The following DLC1 variants were observed in gnomAD, a reference collection of about 807,000 sequenced individuals.
DLC1 encodes rho GTPase-activating protein 7.
DLC1 carries 54 observed loss-of-function variants against 140.3 expected under a neutral mutation model. The ratio of observed to expected loss-of-function variants is 0.38; its 90% confidence interval spans 0.31 to 0.48. The LOEUF (loss-of-function observed/expected upper bound fraction) is 0.48, where lower values mean the gene tolerates loss of function less well. Among genes scored for constraint, DLC1 ranks in the 20% least tolerant of loss-of-function variants. The pLI, the probability that DLC1 is intolerant of heterozygous loss-of-function variation, is 0.96. For synonymous variants in DLC1, 986 were observed against 728.1 expected (o/e 1.35, Z -5.70); for missense variants, 2,536 against 1,907.0 (o/e 1.33, Z -6.14).
At chr8:13,549,530 T>C (rs1803774231) in intron 1 of DLC1, among the ~76,000 whole-genome samples, 1 of 152,106 alleles carries the variant, frequency 6.6e-6, no homozygotes, top group Non-Finnish European at 1.5e-5. Context: ...CACAGAAACA[T>C]TGCTGTGTAA....
At chr8:13,503,976 C>A (rs544909581) in intron 1 of DLC1, among the ~76,000 whole-genome samples, 2 of 152,258 alleles carry the variant, frequency 1.3e-5, no homozygotes, top group Non-Finnish European at 2.9e-5. Flanking sequence ...ATCTTCCTTT[C>A]TTTCTGGCTT....
intron 2 of DLC1, among the ~76,000 whole-genome samples, chr8:13,426,349 C>A (rs1231181989): frequency 2.0e-5 from 3 of 152,164 alleles, no homozygotes; most frequent in African/African-American, 4.8e-5. Context: ...CTCTAAATCA[C>A]ACACTTGTGC....
chr8:13,133,990 C>G (rs530644218), intron 5 of DLC1, among the ~76,000 whole-genome samples: 48 of 152,274 alleles, frequency 3.2e-4, no homozygotes, highest in South Asian at 3.1e-3. Flanking sequence ...GGTCACAGCC[C>G]GTGTTTCTCA....
chr8:13,256,426 G>A (rs1214925732), intron 5 of DLC1, among the ~76,000 whole-genome samples: 2 of 152,172 alleles, frequency 1.3e-5, no homozygotes. Flanking sequence ...GCACACGTAT[G>A]TTTATTGCAA....
chr8:13,200,803 G>T (rs924916078), intron 5 of DLC1, among the ~76,000 whole-genome samples: 1 of 152,008 alleles, frequency 6.6e-6, no homozygotes, highest in African/African-American at 2.4e-5. Flanking sequence ...TCACTATGCT[G>T]CCCAGGCTGG....
At chr8:13,559,902 T>C (rs2117378377) in intron 1 of DLC1, among the ~76,000 whole-genome samples, 1 of 148,208 alleles carries the variant, frequency 6.7e-6, no homozygotes, top group East Asian at 2.1e-4. Flanking sequence ...GCCCAAAGGC[T>C]GATGGACTTA....
At chr8:13,399,559 C>G (rs370779207) in intron 3 of DLC1, among the ~76,000 whole-genome samples, 5 of 152,260 alleles carry the variant, frequency 3.3e-5, no homozygotes, top group Non-Finnish European at 5.9e-5. Flanking sequence ...CCCATTCATC[C>G]TATGAGATTG....
intron 2 of DLC1, among the ~76,000 whole-genome samples, chr8:13,442,795 G>A (rs1329170457): frequency 6.6e-6 from 1 of 152,206 alleles, no homozygotes. Context: ...AGTCAGTGTG[G>A]TGATTCCTCT....
chr8:13,125,311 G>A (rs1377157329), intron 5 of DLC1, among the ~76,000 whole-genome samples: 1 of 152,130 alleles, frequency 6.6e-6, no homozygotes, highest in Non-Finnish European at 1.5e-5. Flanking sequence ...TTCTTGATTT[G>A]TCCCATGAAG....
chr8:13,100,055 C>G lies in DLC1; in HGVS notation c.2282G>C (p.Arg761Thr), dbSNP rs1447677222. ...GTTGCACGCACTGAGGCTCCGGGTC[C>G]TCGTAACAGGGCTGGGCGTGCTGAC... ...SAVSTPSPVTRTRSLSACNKR... is the reference protein window; with the variant it reads ...SAVSTPSPVTTTRSLSACNKR... The change falls in exon 9 of 18, where the codon AGG becomes ACG. Residue 761 changes from arginine to threonine, a missense_variant. Transcript: ENST00000276297. 6.2e-7 allele frequency: 1 copy of G among 1,613,276 alleles called. No individual in the cohort carries two copies. Among genetic ancestry groups the G allele is most frequent in the South Asian group, 1.1e-5 (1 of 91,084 alleles).
chr8:13,112,039 C>G (rs992914794), intron 6 of DLC1, among the ~76,000 whole-genome samples: 2 of 152,116 alleles, frequency 1.3e-5, no homozygotes, highest in African/African-American at 4.8e-5. Context: ...GTGGTCTCAG[C>G]TACATGGGAT....
intron 2 of DLC1, among the ~76,000 whole-genome samples, chr8:13,460,965 C>T (rs990823445): frequency 6.6e-6 from 1 of 152,160 alleles, no homozygotes; most frequent in Non-Finnish European, 1.5e-5. Flanking sequence ...GTAATCCCAG[C>T]GTTTTGGGAG....
chr8:13,328,624 A>T (rs1833465755), intron 4 of DLC1, among the ~76,000 whole-genome samples: 1 of 152,164 alleles, frequency 6.6e-6, no homozygotes, highest in South Asian at 2.1e-4. Context: ...GTCTTGGCTG[A>T]AATATAAGTT....
chr8:13,495,040 G>A (rs1257074989), intron 2 of DLC1, among the ~76,000 whole-genome samples: 1 of 152,062 alleles, frequency 6.6e-6, no homozygotes, highest in African/African-American at 2.4e-5. Context: ...GGTTTTTGTT[G>A]GAATGTAGAA....
chr8:13,576,037 C>A (rs892101506), intron 1 of DLC1, among the ~76,000 whole-genome samples: 1 of 152,190 alleles, frequency 6.6e-6, no homozygotes, highest in African/African-American at 2.4e-5. Context: ...TGTAAAAGTG[C>A]ATAGATGGAG....
chr8:13,413,657 C>A (rs1259189144), intron 2 of DLC1, among the ~76,000 whole-genome samples: 2 of 152,016 alleles, frequency 1.3e-5, no homozygotes, highest in South Asian at 2.1e-4. Flanking sequence ...CCATGCTGTT[C>A]TCATGATAGT....
chr8:13,289,005 C>T (rs558834452), intron 5 of DLC1, among the ~76,000 whole-genome samples: 3 of 152,202 alleles, frequency 2.0e-5, no homozygotes, highest in South Asian at 2.1e-4. Context: ...ATTACAAAAT[C>T]GCATATTAGG....
intron 4 of DLC1, among the ~76,000 whole-genome samples, chr8:13,321,381 T>C (rs1833104568): frequency 6.6e-6 from 1 of 151,702 alleles, no homozygotes; most frequent in African/African-American, 2.4e-5. Context: ...CTACTAAAAA[T>C]GCAAAAATTA....
intron 2 of DLC1, among the ~76,000 whole-genome samples, chr8:13,435,156 G>A (rs76343999): frequency 6.6e-6 from 1 of 152,094 alleles, no homozygotes; most frequent in Non-Finnish European, 1.5e-5. Context: ...AACATGAACA[G>A]GCATTTGGGA....
Sources: gnomAD v4.1 joint callset for allele counts (sites outside exome capture counted in the v4.1 genomes callset) on GRCh38, gnomAD v4.1.1 for gene constraint, MANE v1.5 for transcripts, NCBI Gene and HGNC (gene_info 2026-07-23, HGNC 2026-07-21) for gene names.